The following ABHD2 variants were observed in gnomAD, a reference collection of about 807,000 sequenced individuals.
The protein encoded by ABHD2 is abhydrolase domain containing 2, acylglycerol lipase.
A neutral mutation model predicts 48.1 loss-of-function variants in ABHD2; 20 were observed. The ratio of observed to expected loss-of-function variants is 0.42; its 90% CI spans 0.29 to 0.60. The LOEUF (loss-of-function observed/expected upper bound fraction) is 0.60, where lower values mean the gene tolerates loss of function less well. ABHD2 is among the 20% of genes least tolerant of loss of function. The pLI is 0.24. For synonymous variants in ABHD2, 209 were observed against 214.2 expected, an observed-to-expected ratio of 0.98 and a Z score of 0.21; for missense variants, 405 against 550.9, an observed-to-expected ratio of 0.74 and a Z score of 2.65.
intron 3 of ABHD2, among the ~76,000 whole-genome samples, chr15:89,133,655 C>T (rs2050254971): frequency 6.6e-6 from 1 of 152,026 alleles, no homozygotes; most frequent in African/African-American, 2.4e-5. Flanking sequence ...CTTTTCTGTT[C>T]ACTGCCTGTT....
At chr15:89,187,918 G>A (rs1357956679) in intron 7 of ABHD2, among the ~76,000 whole-genome samples, 4 of 152,138 alleles carry the variant, frequency 2.6e-5, no homozygotes, top group East Asian at 3.9e-4. Context: ...CACAAGGCCC[G>A]TCTTGAGCCC....
chr15:89,077,103 G>A, the ABHD2 span, among the ~76,000 whole-genome samples: 28 of 152,288 alleles, frequency 1.8e-4, no homozygotes, highest in East Asian at 4.1e-3. Context: ...CCACCACCCA[G>A]CTCAGGAACA....
the ABHD2 span, among the ~76,000 whole-genome samples, chr15:89,071,276 C>A: frequency 1.2e-4 from 18 of 152,132 alleles, no homozygotes; most frequent in Non-Finnish European, 1.5e-5. Flanking sequence ...AAAAAATTAG[C>A]TGGGCATGGT....
At chr15:89,072,116 A>G in the ABHD2 span, among the ~76,000 whole-genome samples, 2 of 152,176 alleles carry the variant, frequency 1.3e-5, no homozygotes, top group Non-Finnish European at 2.9e-5. Flanking sequence ...GAAACCTCCT[A>G]TGAGCCTTGG....
At chr15:89,051,710 C>G in the ABHD2 span, among the ~76,000 whole-genome samples, 1 of 152,176 alleles carries the variant, frequency 6.6e-6, no homozygotes, top group African/African-American at 2.4e-5. Flanking sequence ...TGCAGATGCT[C>G]TCTCTTGCCT....
intron 3 of ABHD2, among the ~76,000 whole-genome samples, chr15:89,130,190 G>A (rs2050197199): frequency 6.6e-6 from 1 of 152,168 alleles, no homozygotes; most frequent in South Asian, 2.1e-4. Flanking sequence ...TTATACTGTG[G>A]TAACTAATTA....
chr15:89,167,733 G>C lies in ABHD2; in HGVS notation c.539-8079G>C, dbSNP rs769678479. 2.6e-5 allele frequency among the ~76,000 whole-genome samples: 4 copies of C among 152,162 alleles called. No homozygotes were observed. The highest frequency in any genetic ancestry group is 4.8e-5 in the African/African-American group (2 of 41,430). On this transcript the variant is annotated intron_variant, in intron 5 of 10. Coordinates refer to ENST00000352732, the MANE Select transcript of ABHD2 (RefSeq NM_152924.5). This position sits in a 1 kb window ranked among gnomAD's most constrained non-coding sequence, Gnocchi z 5.5. The stretch of plus-strand genomic sequence containing the variant: ...AGCTATTGTATTCCTGGATGACTCA[G>C]CTTTAAGATAGTTTCCCCTTGACTT...
chr15:89,128,095 A>G (rs759453632), intron 3 of ABHD2, among the ~76,000 whole-genome samples: 10 of 152,214 alleles, frequency 6.6e-5, no homozygotes, highest in Non-Finnish European at 1.3e-4. Flanking sequence ...TTGTAGAGTC[A>G]GTACACACTA....
chr15:89,152,959 G>A, intron 4 of ABHD2, among the ~76,000 whole-genome samples: 1 of 151,980 alleles, frequency 6.6e-6, no homozygotes, highest in East Asian at 1.9e-4. Flanking sequence ...TTTTTAAATA[G>A]GAACTCAGTA....
At chr15:89,131,338 T>A (rs1453199795) in intron 3 of ABHD2, among the ~76,000 whole-genome samples, 1 of 152,212 alleles carries the variant, frequency 6.6e-6, no homozygotes, top group Admixed American at 6.5e-5. Flanking sequence ...CCTTCATACC[T>A]CCACACAGCC....
At chr15:89,135,142 T>C (rs1404809047) in intron 3 of ABHD2, among the ~76,000 whole-genome samples, 4 of 123,972 alleles carry the variant, frequency 3.2e-5, no homozygotes, top group African/African-American at 1.3e-4. Flanking sequence ...TACAACTTTT[T>C]CTTTTTTTTT....
Position 89,188,744 on chromosome 15 carries a change from T to C in ABHD2, c.926+441T>C, listed in dbSNP as rs1041593913. 6.6e-6 allele frequency among the ~76,000 whole-genome samples: 1 copy of C among 152,086 alleles called. No homozygotes were observed. Among genetic ancestry groups the C allele is most frequent in the Non-Finnish European group, 1.5e-5 (1 of 68,002 alleles). ...GTAGAAAAACTGGCTGGGGGCAGTG[T>C]CTCATGCCTGTAATCCTAGGAGGAT... On this transcript the variant is annotated intron_variant, in intron 8 of 10. Transcript: ENST00000352732. This position sits in a 1 kb window ranked among gnomAD's most constrained non-coding sequence, Gnocchi z 4.1.
At chr15:89,101,794 T>G (rs1475439835) in intron 1 of ABHD2, among the ~76,000 whole-genome samples, 1 of 152,162 alleles carries the variant, frequency 6.6e-6, no homozygotes, top group East Asian at 1.9e-4. Flanking sequence ...CTTTGTATGG[T>G]TCAGCAGGTT....
At chr15:89,052,811 C>T in the ABHD2 span, among the ~76,000 whole-genome samples, 30 of 152,252 alleles carry the variant, frequency 2.0e-4, no homozygotes, top group African/African-American at 6.5e-4. Flanking sequence ...AGACCTCTCC[C>T]TCCTCATGGC....
At chr15:89,111,941 T>TTATA (rs371717016) in intron 1 of ABHD2, among the ~76,000 whole-genome samples, 14 of 150,992 alleles carry the variant, frequency 9.3e-5, no homozygotes, top group African/African-American at 2.9e-4. Flanking sequence ...GATTTTTTAT[T>TTATA]TATATATATA....
intron 1 of ABHD2, among the ~76,000 whole-genome samples, chr15:89,113,089 C>G (rs771973003): frequency 3.3e-5 from 5 of 152,204 alleles, no homozygotes; most frequent in African/African-American, 1.2e-4. Flanking sequence ...TTAGCAGCTT[C>G]TTGCACTAGG....
intron 5 of ABHD2, among the ~76,000 whole-genome samples, chr15:89,156,986 A>G (rs772676236): frequency 1.3e-5 from 2 of 152,272 alleles, no homozygotes; most frequent in East Asian, 1.9e-4. Context: ...GTCTTTATCA[A>G]TGTCTACATA....
intron 3 of ABHD2, chr15:89,135,584 C>G: frequency 1.3e-6 from 2 of 1,534,452 alleles, no homozygotes; most frequent in Non-Finnish European, 1.8e-6. Context: ...TCATTCTTAT[C>G]CTCTTCATCT....
intron 9 of ABHD2, 76 bp from the exon 10 acceptor site, chr15:89,193,159 T>G: frequency 1.5e-4 from 204 of 1,402,456 alleles, no homozygotes; most frequent in Non-Finnish European, 1.9e-4. Flanking sequence ...TGTCCAGCAG[T>G]GAGTTTGAGC....
Sources: allele counts gnomAD v4.1 joint callset (sites outside exome capture counted in the v4.1 genomes callset), GRCh38; gene constraint gnomAD v4.1.1; non-coding constraint Gnocchi (gnomAD v3.1); transcripts MANE v1.5; gene names NCBI Gene and HGNC (gene_info 2026-07-23, HGNC 2026-07-21).